TOX: variants seen among roughly 807,000 people sequenced by gnomAD.
The protein encoded by TOX is thymocyte selection associated high mobility group box.
Under a neutral mutation model 53.7 loss-of-function variants are expected in TOX, and 11 were observed. That is an observed-to-expected ratio of 0.20 (90% confidence interval 0.13 to 0.34). TOX has a LOEUF of 0.34. Ranked by LOEUF, TOX falls within the 10% of genes least tolerant of loss-of-function variation. The pLI, the probability that TOX is intolerant of heterozygous loss-of-function variation, is 1.00. For missense variants in TOX, 570 were observed against 664.6 expected, an observed-to-expected ratio of 0.86 and a Z score of 1.56; for synonymous variants, 225 against 245.3, an observed-to-expected ratio of 0.92 and a Z score of 0.77.
At chr8:59,075,798 G>C (rs1440569124) in intron 1 of TOX, among the ~76,000 whole-genome samples, 1 of 152,060 alleles carries the variant, frequency 6.6e-6, no homozygotes, top group Non-Finnish European at 1.5e-5. Flanking sequence ...CAAAGGGCCT[G>C]CTCAGCATTA....
At chr8:59,095,861 G>T (rs1273611230) in intron 1 of TOX, among the ~76,000 whole-genome samples, 2 of 152,174 alleles carry the variant, frequency 1.3e-5, no homozygotes, top group African/African-American at 4.8e-5. Context: ...CAGCAGAACT[G>T]ATGTGTTGTA....
In TOX at chr8:59,092,269, A is replaced by ATATATATATATTATATATACAT. The variant is rs1804624517; in HGVS notation, c.102+26616_102+26617insATGTATATATAATATATATATA. ...TCCATCTCATATATATATATTTTAT[A>ATATATATATATTATATATACAT]TATATATATATATTATATATACATT... On this transcript the variant is annotated intron_variant, in intron 1 of 8. Transcript: ENST00000361421. Among the ~76,000 whole-genome samples, 4 of 116,396 alleles carry ATATATATATATTATATATACAT rather than the reference A, an allele frequency of 3.4e-5. 1 individual carries two copies. Among genetic ancestry groups the ATATATATATATTATATATACAT allele is most frequent in the African/African-American group, 2.2e-4 (4 of 18,594 alleles). 76.4% of individuals were successfully genotyped at this position (116,396 alleles called of 152,430 possible). A position where few individuals can be genotyped will look rare whatever the true frequency, so the allele number is the denominator to read the frequency against.
intron 1 of TOX, among the ~76,000 whole-genome samples, chr8:59,058,166 A>G (rs1371697627): frequency 6.6e-6 from 1 of 152,218 alleles, no homozygotes; most frequent in African/African-American, 2.4e-5. Flanking sequence ...CTCCCCATGT[A>G]AGCTTGCTAC....
chr8:58,994,281 C>A (rs966917809), intron 1 of TOX, among the ~76,000 whole-genome samples: 2 of 151,972 alleles, frequency 1.3e-5, no homozygotes, highest in Admixed American at 6.6e-5. Context: ...TAGATGAATC[C>A]ATTCAAACTT....
chr8:58,932,081 A>G (rs539783068), intron 3 of TOX, among the ~76,000 whole-genome samples: 2 of 152,266 alleles, frequency 1.3e-5, no homozygotes, highest in African/African-American at 4.8e-5. Context: ...TCTTAAGTAG[A>G]TCTTAACAAT....
rs542611101 is a variant in TOX, at chr8:59,100,618, TG to T, written c.102+18267del. 2.8e-3 allele frequency among the ~76,000 whole-genome samples: 423 copies of T among 152,340 alleles called. 1 individual carries two copies. Among genetic ancestry groups the T allele is most frequent in the Middle Eastern group, 6.8e-3 (2 of 294 alleles). On this transcript the variant is annotated intron_variant, in intron 1 of 8. Transcript: ENST00000361421. ...ATTATTTTGTAAGCAATTTCTGCAA[TG>T]ACTCTCACAGAATAAGTAGAATTTG...
At chr8:59,071,108 G>A (rs879511707) in intron 1 of TOX, among the ~76,000 whole-genome samples, 4 of 152,120 alleles carry the variant, frequency 2.6e-5, no homozygotes, top group Admixed American at 1.3e-4. Context: ...TACAATAATC[G>A]TGAAAAGCTC....
At chr8:59,074,052 C>A (rs1440542142) in intron 1 of TOX, among the ~76,000 whole-genome samples, 1 of 152,026 alleles carries the variant, frequency 6.6e-6, no homozygotes, top group Non-Finnish European at 1.5e-5. Flanking sequence ...CAATAAGTAC[C>A]ACGACCACAA....
intron 1 of TOX, among the ~76,000 whole-genome samples, chr8:59,112,778 G>A (rs1187317256): frequency 6.6e-6 from 1 of 152,160 alleles, no homozygotes; most frequent in African/African-American, 2.4e-5. Flanking sequence ...GAGCCACAGT[G>A]TCTAATAACT....
intron 3 of TOX, among the ~76,000 whole-genome samples, chr8:58,895,591 T>C (rs1300797420): frequency 6.6e-6 from 1 of 152,206 alleles, no homozygotes; most frequent in African/African-American, 2.4e-5. Context: ...TTTGTGTGTT[T>C]ACTTTAAACC....
At position 59,048,406 on chromosome 8, in the gene TOX, A is replaced by T. The variant is rs114272715; in HGVS notation, c.102+70480T>A. On this transcript the variant is annotated intron_variant, in intron 1 of 8. Transcript: ENST00000361421. ...TTCCATGAAAGCTCCACATTAGAACATAATAGATAATTCCCCCTTTTTTAT... is the reference window on the plus strand; with the variant it reads ...TTCCATGAAAGCTCCACATTAGAACTTAATAGATAATTCCCCCTTTTTTAT... Among the ~76,000 whole-genome samples, 1,315 of 152,306 alleles carry T rather than the reference A, an allele frequency of 8.6e-3. 23 individuals are homozygous for T. The highest frequency in any genetic ancestry group is 0.03 in the African/African-American group (1,257 of 41,566).
intron 1 of TOX, among the ~76,000 whole-genome samples, chr8:59,088,154 A>G (rs567565239): frequency 2.0e-5 from 3 of 152,352 alleles, no homozygotes; most frequent in Admixed American, 2.0e-4. Flanking sequence ...GTCACAAAGA[A>G]GGAATAAGAC....
intron 1 of TOX, among the ~76,000 whole-genome samples, chr8:58,975,169 GA>G (rs1381678303): frequency 6.6e-6 from 1 of 150,896 alleles, no homozygotes; most frequent in Non-Finnish European, 1.5e-5. Flanking sequence ...TACTTACAGA[GA>G]AATGTATATG....
chr8:59,066,333 C>A lies in TOX; in HGVS notation c.102+52553G>T, dbSNP rs564615919. Among the ~76,000 whole-genome samples the A allele has an allele frequency of 4.6e-5, 7 of 152,310 alleles. No individual in the cohort carries two copies. In the South Asian group the frequency reaches 1.5e-3, roughly 32 times the overall value. The stretch of plus-strand genomic sequence containing the variant: ...CTTGTACAAAAGGAACACCACTGAT[C>A]TTTCATTAGCTTCCTTCTCCATTAC... On this transcript the variant is annotated intron_variant, in intron 1 of 8. Transcript: ENST00000361421.
At chr8:58,856,348 T>G (rs1022102903) in intron 3 of TOX, among the ~76,000 whole-genome samples, 1 of 152,196 alleles carries the variant, frequency 6.6e-6, no homozygotes, top group Non-Finnish European at 1.5e-5. Flanking sequence ...AGTTCATGAC[T>G]AATGCATTTT....
At chr8:59,071,265 A>G (rs891716714) in intron 1 of TOX, among the ~76,000 whole-genome samples, 4 of 152,116 alleles carry the variant, frequency 2.6e-5, no homozygotes, top group African/African-American at 9.7e-5. Context: ...ACTCCAAGAC[A>G]CATACTTAGG....
intron 5 of TOX, among the ~76,000 whole-genome samples, chr8:58,832,146 GTAATATA>G (rs1355700908): frequency 2.0e-4 from 29 of 143,362 alleles, no homozygotes; most frequent in Admixed American, 1.1e-3. Context: ...TATAATATAT[GTAATATA>G]TAATATATGT....
chr8:59,045,016 A>C (rs1414211786), intron 1 of TOX, among the ~76,000 whole-genome samples: 1 of 152,270 alleles, frequency 6.6e-6, no homozygotes, highest in Non-Finnish European at 1.5e-5. Context: ...TTCTCTAAGC[A>C]AAAATAGTGC....
intron 1 of TOX, among the ~76,000 whole-genome samples, chr8:59,094,208 T>C (rs1324293597): frequency 6.6e-6 from 1 of 152,110 alleles, no homozygotes; most frequent in African/African-American, 2.4e-5. Context: ...CACTAAACTA[T>C]TGGTGGATGT....
Sources: gnomAD v4.1 joint callset for allele counts (sites outside exome capture counted in the v4.1 genomes callset) on GRCh38, gnomAD v4.1.1 for gene constraint, MANE v1.5 for transcripts, NCBI Gene and HGNC (gene_info 2026-07-23, HGNC 2026-07-21) for gene names.